The following ZFYVE26 variants were observed in gnomAD, a reference collection of about 807,000 sequenced individuals.
ZFYVE26 encodes zinc finger FYVE domain-containing protein 26.
Under a neutral mutation model 276.5 loss-of-function variants are expected in ZFYVE26, and 181 were observed. The ratio of observed to expected loss-of-function variants is 0.65; its 90% confidence interval spans 0.58 to 0.74. ZFYVE26 has a LOEUF of 0.74. ZFYVE26 is among the 30% of genes least tolerant of loss of function. ZFYVE26 has a pLI of 0.00. For missense variants in ZFYVE26, 2,821 were observed against 3,097.9 expected (o/e 0.91, Z 2.12); for synonymous variants, 1,129 against 1,203.1 (o/e 0.94, Z 1.27).
chr14:67,760,801 A>C (rs1566867211), intron 35 of ZFYVE26: 1 of 185,510 alleles, frequency 5.4e-6, no homozygotes, highest in East Asian at 1.3e-4. Context: ...CCAAAGATGT[A>C]ATGTTCTTCA....
chr14:67,771,638 G>T (rs912375542), intron 28 of ZFYVE26, among the ~76,000 whole-genome samples: 2 of 152,170 alleles, frequency 1.3e-5, no homozygotes, highest in African/African-American at 4.8e-5. Flanking sequence ...CCAAAATAGT[G>T]TATAGTCACA....
chr14:67,733,182 C>G (rs566255906), intron 13 of ZFYVE26, among the ~76,000 whole-genome samples: 1 of 152,062 alleles, frequency 6.6e-6, no homozygotes, highest in African/African-American at 2.4e-5. Flanking sequence ...GCTCCCACCC[C>G]CTATCCCTCT....
At position 67,782,891 on chromosome 14, in the gene ZFYVE26, A is replaced by C. The variant is rs759824450; in HGVS notation, c.4261T>G (p.Leu1421Val). Residue 1421 changes from leucine to valine, a missense_variant, in exon 21 of 42, where the codon TTG becomes GTG. Physicochemically the swap from Leu to Val is conservative, Grantham distance 32. Coordinates refer to ENST00000347230, the MANE Select transcript of ZFYVE26 (RefSeq NM_015346.4). ...DVLSEAFEES[L>V]VARDWSRALQ... ...GCCCGGGACCAATCTCTGGCCACCA[A>C]GGATTCCTCAAAAGCCTCACTCAGT... The C allele has an allele frequency of 1.9e-6, 3 of 1,614,218 alleles. No individual in the cohort carries two copies. Among genetic ancestry groups the C allele is most frequent in the South Asian group, 2.2e-5 (2 of 91,084 alleles).
At chr14:67,786,313 T>G in intron 16 of ZFYVE26, 80 bp from the exon 17 acceptor site, 1 of 1,501,700 alleles carries the variant, frequency 6.7e-7, no homozygotes, top group Non-Finnish European at 9.0e-7. Context: ...GTCCTGTATT[T>G]ACCTGTGAAA....
chr14:67,738,819 A>G (rs2038381971), intron 13 of ZFYVE26, among the ~76,000 whole-genome samples: 1 of 152,148 alleles, frequency 6.6e-6, no homozygotes, highest in African/African-American at 2.4e-5. Context: ...GTCATTCCCT[A>G]CTCTGACTTT....
chr14:67,769,559 CAAT>C (rs762157406), intron 29 of ZFYVE26, 32 bp downstream of exon 29: 95 of 1,610,774 alleles, frequency 5.9e-5, no homozygotes, highest in Non-Finnish European at 7.3e-5. Context: ...GTGCAGCGGT[CAAT>C]AATAGCAACA....
chr14:67,729,218 A>C (rs761136307), exon 14 of ZFYVE26: 1 of 1,612,186 alleles, frequency 6.2e-7, no homozygotes, highest in South Asian at 1.1e-5. Context: ...TACGCAGTGC[A>C]CCCAGGCGTC....
At chr14:67,745,000 C>T (rs890717553), downstream of ZFYVE26, among the ~76,000 whole-genome samples, 1 of 152,172 alleles carries the variant, frequency 6.6e-6, no homozygotes, top group Non-Finnish European at 1.5e-5. Context: ...CTGTCTTCCA[C>T]AATGGTTGAA....
At chr14:67,794,090 C>CATGGTGTA in intron 13 of ZFYVE26, 81 bp downstream of exon 13, 1 of 1,463,650 alleles carries the variant, frequency 6.8e-7, no homozygotes, top group South Asian at 1.1e-5. Flanking sequence ...CTGCTCAATC[C>CATGGTGTA]TGGCTTTACA....
At chr14:67,754,019 G>C (rs1454486880) in intron 38 of ZFYVE26, 52 bp downstream of exon 38, 15 of 1,613,096 alleles carry the variant, frequency 9.3e-6, no homozygotes, top group African/African-American at 2.7e-5. Context: ...ATTATGATAA[G>C]TGTTCTAAAA....
intron 3 of ZFYVE26, 137 bp from the exon 4 acceptor site, chr14:67,809,426 T>TTTTTTATTA: frequency 1.7e-6 from 1 of 588,982 alleles, no homozygotes; most frequent in Non-Finnish European, 2.8e-6. Flanking sequence ...TTTTTTTTTT[T>TTTTTTATTA]TTTTTTTTTA....
chr14:67,739,316 GAT>G (rs1191584650), intron 13 of ZFYVE26, among the ~76,000 whole-genome samples: 2 of 152,176 alleles, frequency 1.3e-5, no homozygotes, highest in Non-Finnish European at 2.9e-5. Context: ...TGAAAGGAAA[GAT>G]AGAGAGAATC....
At chr14:67,793,836 C>T (rs2039884972) in intron 13 of ZFYVE26, 77 bp from the exon 14 acceptor site, 1 of 1,594,150 alleles carries the variant, frequency 6.3e-7, no homozygotes, top group Non-Finnish European at 8.6e-7. Context: ...CCACCTCCCA[C>T]CAAACTTTTA....
intron 28 of ZFYVE26, chr14:67,769,931 AGGT>A (rs1490205714): frequency 1.5e-6 from 1 of 680,342 alleles, no homozygotes; most frequent in Non-Finnish European, 2.5e-6. Context: ...TGATGGGCAA[AGGT>A]GCGAAGTCAT....
At chr14:67,797,144 C>G (rs1039973537) in intron 12 of ZFYVE26, 3 of 158,866 alleles carry the variant, frequency 1.9e-5, no homozygotes, top group East Asian at 1.8e-4. Context: ...ATTTTTAAGG[C>G]AACTGGGTAA....
intron 35 of ZFYVE26, chr14:67,760,954 T>G (rs2038913473): frequency 2.1e-6 from 1 of 467,466 alleles, no homozygotes. Context: ...GTAACAACTC[T>G]GAATGGACCA....
chr14:67,806,758 T>A, intron 5 of ZFYVE26, 83 bp from the exon 6 acceptor site: 14 of 1,556,234 alleles, frequency 9.0e-6, no homozygotes, highest in Non-Finnish European at 1.2e-5. Context: ...CCAAGTGATG[T>A]GAGAGTTTGC....
At chr14:67,760,021 A>G (rs995694614) in intron 35 of ZFYVE26, among the ~76,000 whole-genome samples, 3 of 152,150 alleles carry the variant, frequency 2.0e-5, no homozygotes, top group Admixed American at 6.5e-5. Flanking sequence ...TTCAAGGGTA[A>G]CTATGATTAC....
chr14:67,811,275 ATTC>A (rs2040295275), intron 3 of ZFYVE26, among the ~76,000 whole-genome samples: 2 of 152,356 alleles, frequency 1.3e-5, no homozygotes, highest in South Asian at 2.1e-4. Flanking sequence ...CTTTAAACAT[ATTC>A]AGGATCATAA....
Sources: allele counts gnomAD v4.1 joint callset (sites outside exome capture counted in the v4.1 genomes callset), GRCh38; gene constraint gnomAD v4.1.1; transcripts MANE v1.5; gene names NCBI Gene and HGNC (gene_info 2026-07-23, HGNC 2026-07-21).